Variants in COL6A5 observed in about 807,000 individuals in gnomAD.
The protein encoded by COL6A5 is collagen alpha-5(VI) chain.
A neutral mutation model predicts 65.6 loss-of-function variants in COL6A5; 48 were observed. That is an observed-to-expected ratio of 0.73 (90% CI 0.58 to 0.93). The LOEUF is 0.93. Among genes scored for constraint, COL6A5 ranks in the 40% least tolerant of loss-of-function variants. COL6A5 has a pLI of 0.00. For synonymous variants in COL6A5, 291 were observed against 322.8 expected (o/e 0.90, Z 1.05); for missense variants, 914 against 928.3 (o/e 0.98, Z 0.20).
chr3:130,374,338 T>C (rs1935682503), intron 2 of COL6A5, among the ~76,000 whole-genome samples: 1 of 152,172 alleles, frequency 6.6e-6, no homozygotes, highest in Non-Finnish European at 1.5e-5. Context: ...GCAAGTATAA[T>C]ACAATGGTAA....
At chr3:130,393,970 C>T (rs1332322593) in intron 7 of COL6A5, among the ~76,000 whole-genome samples, 2 of 151,512 alleles carry the variant, frequency 1.3e-5, no homozygotes, top group Admixed American at 6.6e-5. Flanking sequence ...GCAGGTCTAT[C>T]CGGGCAGCCC....
intron 1 of COL6A5, among the ~76,000 whole-genome samples, chr3:130,371,851 A>G (rs572090413): frequency 6.6e-6 from 1 of 152,308 alleles, no homozygotes; most frequent in East Asian, 1.9e-4. Flanking sequence ...ATTTAAAATC[A>G]CTTGTGCCTC....
rs1164674793 is a variant in COL6A5 at position 130,423,742 on chromosome 3, A to C, written c.5101-96A>C. The C allele has an allele frequency of 7.1e-6, 6 of 844,808 alleles. No homozygotes were observed. The African/African-American group carries it at 1.3e-4, about 19-fold the overall frequency. 52.3% of individuals were successfully genotyped at this position (844,808 alleles called of 1,614,324 possible). On this transcript the variant is annotated intron_variant and NMD_transcript_variant, in intron 28 of 41. Transcript: ENST00000312481. The stretch of plus-strand genomic sequence containing the variant: ...CAATTAATAGCTGCTATCTTTTTAA[A>C]ATTTTTTTTAAAATTAGAAAGTCTT...
At chr3:130,473,654 C>T (rs1250122900) in intron 7 of COL6A5, among the ~76,000 whole-genome samples, 4 of 152,006 alleles carry the variant, frequency 2.6e-5, no homozygotes, top group African/African-American at 4.8e-5. Flanking sequence ...TGACAAACTG[C>T]GTATGCCACC....
intron 1 of COL6A5, among the ~76,000 whole-genome samples, chr3:130,434,595 T>C (rs1442460744): frequency 6.6e-6 from 1 of 152,190 alleles, no homozygotes; most frequent in African/African-American, 2.4e-5. Flanking sequence ...CTTGCCAGCA[T>C]CTATTGTTCC....
At chr3:130,395,335 T>C in exon 8 of COL6A5, 1 of 1,550,970 alleles carries the variant, frequency 6.4e-7, no homozygotes, top group South Asian at 1.2e-5. Flanking sequence ...GAGATGTTTA[T>C]AAGGAACATC....
At chr3:130,435,242 A>G (rs961973963) in intron 1 of COL6A5, among the ~76,000 whole-genome samples, 1 of 152,114 alleles carries the variant, frequency 6.6e-6, no homozygotes, top group Admixed American at 6.6e-5. Flanking sequence ...CGAAGATCAG[A>G]TTGTTCTAGA....
At chr3:130,360,476 A>G (rs1053028187) in intron 1 of COL6A5, among the ~76,000 whole-genome samples, 2 of 152,134 alleles carry the variant, frequency 1.3e-5, no homozygotes, top group African/African-American at 4.8e-5. Flanking sequence ...ATTATGATTC[A>G]TTTATGCAGA....
Position 130,388,972 on chromosome 3 carries a change from C to T in COL6A5, c.2254C>T (p.Arg752Trp), listed in dbSNP as rs1393082594. ...TGTGAGAGATCCTGCTAGAATTCTT[C>T]GGGGCAAAGATGTGACCATCTTCTC... is the stretch of plus-strand genomic sequence containing the variant. The change falls in exon 6 of 42, where the codon CGG becomes TGG. Residue 752 changes from arginine (R) to tryptophan (W), a missense_variant and NMD_transcript_variant. Physicochemically the swap from Arg to Trp is moderately radical, Grantham distance 101. Transcript: ENST00000312481. 26 of 1,547,946 alleles carry T rather than the reference C, an allele frequency of 1.7e-5. No homozygotes were observed. The highest frequency in any genetic ancestry group is 1.2e-4 in the African/African-American group (9 of 72,872).
At chr3:130,445,673 G>T (rs186953789) in intron 4 of COL6A5, among the ~76,000 whole-genome samples, 2 of 151,818 alleles carry the variant, frequency 1.3e-5, no homozygotes, top group East Asian at 3.9e-4. Flanking sequence ...GGCCTGGTGC[G>T]GGGGGGATAA....
At chr3:130,465,394 A>G (rs781509981) in intron 5 of COL6A5, among the ~76,000 whole-genome samples, 5 of 152,086 alleles carry the variant, frequency 3.3e-5, no homozygotes, top group Non-Finnish European at 2.9e-5. Context: ...CCCTCTTAAA[A>G]TAGTGCCATT....
chr3:130,421,257 C>T (rs527814234), intron 26 of COL6A5, 54 bp downstream of exon 26: 36 of 1,544,988 alleles, frequency 2.3e-5, no homozygotes, highest in Admixed American at 7.9e-5. Context: ...CTAAATAATA[C>T]AAGAAGAAAT....
chr3:130,397,238 C>T (rs188433435), intron 8 of COL6A5, among the ~76,000 whole-genome samples: 3 of 152,230 alleles, frequency 2.0e-5, no homozygotes, highest in Admixed American at 6.5e-5. Flanking sequence ...CACATGCATG[C>T]GCACACACAT....
At chr3:130,429,689 C>A, upstream of COL6A5, 1 of 882,112 alleles carries the variant, frequency 1.1e-6, no homozygotes. Flanking sequence ...AGGACTTCTT[C>A]CTTCTATGCA....
exon 28 of COL6A5, chr3:130,422,762 A>G: frequency 6.6e-7 from 1 of 1,524,908 alleles, no homozygotes; most frequent in Non-Finnish European, 8.8e-7. Context: ...ACCTGGACCC[A>G]AAGGATTTAG....
chr3:130,370,257 T>C (rs1684048692), intron 1 of COL6A5, among the ~76,000 whole-genome samples: 1 of 152,156 alleles, frequency 6.6e-6, no homozygotes, highest in Non-Finnish European at 1.5e-5. Context: ...TCCTTTGGCA[T>C]GGGAAACTTT....
intron 4 of COL6A5, among the ~76,000 whole-genome samples, chr3:130,382,173 A>G (rs1936017786): frequency 6.6e-6 from 1 of 152,118 alleles, no homozygotes; most frequent in Non-Finnish European, 1.5e-5. Flanking sequence ...GTGTCATTAT[A>G]GAGATAGTGT....
chr3:130,373,700 G>A, exon 2 of COL6A5: 1 of 1,526,730 alleles, frequency 6.5e-7, no homozygotes, highest in Non-Finnish European at 8.9e-7. Flanking sequence ...GCAGACCAGA[G>A]CCCAGGTATC....
chr3:130,364,597 G>A (rs1340575687), intron 1 of COL6A5, among the ~76,000 whole-genome samples: 2 of 152,186 alleles, frequency 1.3e-5, no homozygotes, highest in African/African-American at 4.8e-5. Context: ...GAGAGCAGGC[G>A]GGTCTAGTTC....
Sources: gnomAD v4.1 joint callset for allele counts (sites outside exome capture counted in the v4.1 genomes callset) on GRCh38, gnomAD v4.1.1 for gene constraint, MANE v1.5 for transcripts, NCBI Gene and HGNC (gene_info 2026-07-23, HGNC 2026-07-21) for gene names.